Variants in IL5 observed in about 807,000 individuals in gnomAD.
IL5 encodes the protein interleukin-5.
IL5 carries 12 observed loss-of-function variants against 16.3 expected under a neutral mutation model. That is an observed-to-expected ratio of 0.74 (90% CI 0.47 to 1.20). The LOEUF (loss-of-function observed/expected upper bound fraction) is 1.20, where lower values mean the gene tolerates loss of function less well. Among genes scored for constraint, IL5 ranks in the 50% most tolerant of loss-of-function variants. The probability of loss-of-function intolerance (pLI) is 0.00; values close to 1 mark genes in which losing one functional copy is unlikely to be tolerated. For synonymous variants in IL5, 54 were observed against 56.6 expected, an observed-to-expected ratio of 0.95 and a Z score of 0.21; for missense variants, 159 against 153.9, an observed-to-expected ratio of 1.03 and a Z score of -0.17.
chr5:132,543,386 T>G lies in IL5; in HGVS notation c.93A>C (p.Lys31Asn). The G allele has an allele frequency of 6.2e-7, 1 of 1,614,224 alleles. No individual in the cohort carries two copies. Among genetic ancestry groups the G allele is most frequent in the Non-Finnish European group, 8.5e-7 (1 of 1,180,030 alleles). ...PTEIPTSALVKETLALLSTHR... is the reference protein window; with the variant it reads ...PTEIPTSALVNETLALLSTHR... ...GAGTAGAAAGCAGTGCCAAGGTCTC[T>G]TTCACCAATGCACTTGTGGGAATTT... Residue 31 changes from lysine to asparagine, a missense_variant, in exon 1 of 4, where the codon AAA becomes AAC. Transcript: ENST00000231454.
chr5:132,552,333 A>C (rs1289495556), intron 1 of IL5, among the ~76,000 whole-genome samples: 1 of 152,178 alleles, frequency 6.6e-6, no homozygotes, highest in East Asian at 1.9e-4. Context: ...TTAGGTATAA[A>C]ACAGTATCTC....
rs567371781 is a variant in IL5, at chr5:132,555,730, T to G, written c.42+944A>C. The stretch of plus-strand genomic sequence containing the variant: ...CGGGGTTTCACCGTGTTAGCCAGGA[T>G]GGTCTTCATTTCCTGACCTCGTGAT... On this transcript the variant is annotated intron_variant, in intron 1 of 2. Coordinates refer to the IL5 transcript ENST00000450655. Among the ~76,000 whole-genome samples, 6 of 152,326 alleles carry G rather than the reference T, an allele frequency of 3.9e-5. No homozygotes were observed. In the South Asian group the frequency reaches 1.2e-3, roughly 32 times the overall value.
intron 1 of IL5, 80 bp downstream of exon 1, chr5:132,543,255 A>T (rs1749728294): frequency 7.1e-7 from 1 of 1,415,698 alleles, no homozygotes; most frequent in African/African-American, 1.4e-5. Context: ...TTTATAACAG[A>T]TCTCTATATA....
chr5:132,549,102 CT>C (rs1749841711), intron 1 of IL5, among the ~76,000 whole-genome samples: 1 of 152,160 alleles, frequency 6.6e-6, no homozygotes, highest in Non-Finnish European at 1.5e-5. Context: ...GTCACCCAGG[CT>C]AGAGGGCAGT....
Position 132,543,124 on chromosome 5 carries a change from A to G in IL5, c.147T>C (p.Thr49=). The G allele has an allele frequency of 6.2e-7, 1 of 1,606,516 alleles. No homozygotes were observed. The change falls in exon 2 of 4, where the codon ACT becomes ACC. Residue 49 remains threonine (T), a splice_region_variant and synonymous_variant. Coordinates refer to ENST00000231454, the MANE Select transcript of IL5 (RefSeq NM_000879.3). ...THRTLLIANE[T]LRIPVPVHKN... is the part of the protein sequence containing the mutation. ...TATGTACAGGAACAGGAATCCTCAGAGTCTGGAGAGGAAAGGAAATACAAT... is the reference window on the plus strand; with the variant it reads ...TATGTACAGGAACAGGAATCCTCAGGGTCTGGAGAGGAAAGGAAATACAAT...
chr5:132,549,329 C>T (rs1435153836), intron 1 of IL5, among the ~76,000 whole-genome samples: 1 of 152,220 alleles, frequency 6.6e-6, no homozygotes, highest in Non-Finnish European at 1.5e-5. Context: ...GCTGGGATTA[C>T]AGGCATGAGC....
intron 1 of IL5, among the ~76,000 whole-genome samples, chr5:132,551,537 C>T (rs986610229): frequency 3.4e-5 from 5 of 149,074 alleles, no homozygotes; most frequent in Admixed American, 3.3e-4. Flanking sequence ...TCCCAGTCTG[C>T]GTGTGTGTGT....
exon 1 of IL5, chr5:132,556,765 T>C: frequency 8.3e-7 from 1 of 1,200,418 alleles, no homozygotes; most frequent in Non-Finnish European, 1.1e-6. Flanking sequence ...GTCACAGGTC[T>C]TGGTCTCCCC....
intron 1 of IL5, among the ~76,000 whole-genome samples, chr5:132,549,349 C>T (rs970527558): frequency 2.6e-5 from 4 of 151,994 alleles, no homozygotes; most frequent in African/African-American, 9.7e-5. Flanking sequence ...CCACCGTGCC[C>T]GGCCTCAAGG....
upstream of IL5, among the ~76,000 whole-genome samples, chr5:132,548,010 C>T (rs1383778216): frequency 1.3e-5 from 2 of 151,900 alleles, no homozygotes; most frequent in Admixed American, 6.6e-5. Flanking sequence ...CAGAGGTTGC[C>T]GTGAGCTGAG....
intron 1 of IL5, among the ~76,000 whole-genome samples, chr5:132,551,111 A>C (rs1165367272): frequency 6.6e-6 from 1 of 152,248 alleles, no homozygotes; most frequent in African/African-American, 2.4e-5. Flanking sequence ...AGTAGAGTAA[A>C]ACAAGGAATA....
At chr5:132,549,224 T>A (rs1436350054) in intron 1 of IL5, among the ~76,000 whole-genome samples, 2 of 152,138 alleles carry the variant, frequency 1.3e-5, no homozygotes, top group Non-Finnish European at 2.9e-5. Context: ...CCCGGCTAAC[T>A]TTTGTATTTT....
rs1749695248 is a variant in IL5, at chr5:132,541,796, C to T, written c.*15G>A. On this transcript the variant is annotated 3_prime_UTR_variant, in exon 4 of 4. Coordinates refer to ENST00000231454, the MANE Select transcript of IL5 (RefSeq NM_000879.3). Reference sequence around the variant, plus strand: ...TCTCCTCCAAAATCTTTGGCTGCAACAAACCAGTTTAGTCTCAACTTTCTA... The same window carrying T: ...TCTCCTCCAAAATCTTTGGCTGCAATAAACCAGTTTAGTCTCAACTTTCTA... The T allele has an allele frequency of 1.9e-6, 3 of 1,574,376 alleles. No homozygotes were observed. Among genetic ancestry groups the T allele is most frequent in the Admixed American group, 3.4e-5 (2 of 58,890 alleles).
intron 1 of IL5, among the ~76,000 whole-genome samples, chr5:132,553,338 A>G (rs1057497830): frequency 2.0e-5 from 3 of 152,140 alleles, no homozygotes; most frequent in Admixed American, 2.0e-4. Context: ...ATTAGATTCA[A>G]GTTCAACTTT....
At chr5:132,546,511 T>C (rs75873290), upstream of IL5, among the ~76,000 whole-genome samples, 3,397 of 152,322 alleles carry the variant, frequency 0.022, 111 homozygotes, top group African/African-American at 0.072. Context: ...TAATATTTCA[T>C]TGGATGTCTA....
upstream of IL5, among the ~76,000 whole-genome samples, chr5:132,544,788 C>T (rs911216986): frequency 1.3e-5 from 2 of 152,190 alleles, no homozygotes; most frequent in Non-Finnish European, 2.9e-5. Flanking sequence ...CTGTCTTGAG[C>T]GTCAAGAACA....
chr5:132,554,847 T>A (rs913108034), intron 1 of IL5, among the ~76,000 whole-genome samples: 1 of 152,176 alleles, frequency 6.6e-6, no homozygotes, highest in Non-Finnish European at 1.5e-5. Context: ...TAATGAATCT[T>A]ATTCAACCTT....
chr5:132,544,988 G>A (rs1749760575), upstream of IL5, among the ~76,000 whole-genome samples: 1 of 152,186 alleles, frequency 6.6e-6, no homozygotes, highest in Non-Finnish European at 1.5e-5. Flanking sequence ...GGTTTTGTTT[G>A]TGCTGAAGTT....
intron 1 of IL5, among the ~76,000 whole-genome samples, chr5:132,554,532 A>C (rs1255639054): frequency 6.6e-6 from 1 of 152,244 alleles, no homozygotes; most frequent in Non-Finnish European, 1.5e-5. Flanking sequence ...CCATAAAAAA[A>C]CATAAAATAA....
Sources: gnomAD v4.1 joint callset for allele counts (sites outside exome capture counted in the v4.1 genomes callset) on GRCh38, gnomAD v4.1.1 for gene constraint, MANE v1.5 for transcripts, NCBI Gene and HGNC (gene_info 2026-07-23, HGNC 2026-07-21) for gene names.